AKAP12: variants seen among roughly 807,000 people sequenced by gnomAD.
AKAP12 encodes A-kinase anchoring protein 12, also known as A-kinase anchor protein 12.
AKAP12 carries 32 observed loss-of-function variants against 79.9 expected under a neutral mutation model. That is an observed-to-expected ratio of 0.40 (90% CI 0.30 to 0.54). AKAP12 has a LOEUF of 0.54. Ranked by LOEUF, AKAP12 falls within the 20% of genes least tolerant of loss-of-function variation. The pLI is 0.48. For synonymous variants in AKAP12, 808 were observed against 857.0 expected, an observed-to-expected ratio of 0.94 and a Z score of 1.00; for missense variants, 2,074 against 2,177.0, an observed-to-expected ratio of 0.95 and a Z score of 0.94.
At chr6:151,326,630 C>G (rs1009251674) in intron 3 of AKAP12, among the ~76,000 whole-genome samples, 1 of 152,054 alleles carries the variant, frequency 6.6e-6, no homozygotes. Flanking sequence ...TTAGAATGCT[C>G]TTACAGCTCC....
intron 2 of AKAP12, among the ~76,000 whole-genome samples, chr6:151,286,167 A>G (rs956546850): frequency 1.3e-5 from 2 of 152,156 alleles, no homozygotes; most frequent in Non-Finnish European, 2.9e-5. Context: ...CATGGAGGTG[A>G]TAATTTTTTT....
intron 2 of AKAP12, among the ~76,000 whole-genome samples, chr6:151,274,209 C>T (rs1776248977): frequency 6.6e-6 from 1 of 151,982 alleles, no homozygotes. Flanking sequence ...GTAGCTGGGA[C>T]TACAGGGGCA....
chr6:151,287,713 G>A (rs1394023579), intron 2 of AKAP12, among the ~76,000 whole-genome samples: 1 of 152,012 alleles, frequency 6.6e-6, no homozygotes, highest in Non-Finnish European at 1.5e-5. Flanking sequence ...CCTGTTACTG[G>A]GTATATACCC....
At chr6:151,287,326 C>T (rs1776526372) in intron 2 of AKAP12, among the ~76,000 whole-genome samples, 1 of 152,118 alleles carries the variant, frequency 6.6e-6, no homozygotes. Flanking sequence ...GTGGCACAAT[C>T]ATGGCTCACT....
intron 3 of AKAP12, chr6:151,324,062 C>G (rs35125148): frequency 0.093 from 91,259 of 985,324 alleles, 4,442 homozygotes; most frequent in Middle Eastern, 0.16. Context: ...TTGCCCTGCC[C>G]CCTTGGCTCT....
intron 2 of AKAP12, among the ~76,000 whole-genome samples, chr6:151,255,326 G>A (rs1465369016): frequency 1.3e-4 from 19 of 151,962 alleles, no homozygotes; most frequent in African/African-American, 3.6e-4. Context: ...CCACCACGCC[G>A]GCTGATTTTG....
At chr6:151,261,470 C>A (rs1048759097) in intron 2 of AKAP12, among the ~76,000 whole-genome samples, 3 of 151,966 alleles carry the variant, frequency 2.0e-5, no homozygotes, top group Admixed American at 1.3e-4. Context: ...GCGGGTGGAT[C>A]AACTGAGGTC....
intron 4 of AKAP12, 77 bp downstream of exon 4, chr6:151,353,829 G>T: frequency 9.8e-7 from 1 of 1,020,088 alleles, no homozygotes; most frequent in Non-Finnish European, 1.4e-6. Context: ...AAGGAATCGG[G>T]AGCAAATAAT....
chr6:151,353,181 A>G lies in AKAP12; in HGVS notation c.4790A>G (p.Glu1597Gly), dbSNP rs1778348120. The G allele has an allele frequency of 5.6e-6, 9 of 1,613,146 alleles. No individual in the cohort carries two copies. The highest frequency in any genetic ancestry group is 1.4e-5 in the African/African-American group (1 of 74,054). ...SQDAGQETEK[E>G]GEEPQASAQD... ...GACGCTGGACAGGAAACGGAGAAAG[A>G]AGGAGAGGAACCTCAGGCCTCTGCA... is the stretch of plus-strand genomic sequence containing the variant. Residue 1597 changes from glutamate to glycine, a missense_variant, in exon 4 of 5, where the codon GAA becomes GGA. Glu to Gly is a moderately conservative substitution (Grantham distance 98). Coordinates refer to ENST00000402676, the MANE Select transcript of AKAP12 (RefSeq NM_005100.4).
chr6:151,269,492 C>A (rs1309424439), intron 2 of AKAP12, among the ~76,000 whole-genome samples: 2 of 152,136 alleles, frequency 1.3e-5, no homozygotes, highest in Non-Finnish European at 2.9e-5. Flanking sequence ...GAATCAACAG[C>A]ACTTGAATCT....
chr6:151,286,914 G>A (rs763066568), intron 2 of AKAP12, among the ~76,000 whole-genome samples: 3 of 152,016 alleles, frequency 2.0e-5, no homozygotes, highest in African/African-American at 7.2e-5. Context: ...GGGTGGCAGC[G>A]ATGGGGTAAG....
Position 151,240,626 on chromosome 6 carries a change from C to T in AKAP12, c.64C>T (p.Pro22Ser). The T allele has an allele frequency of 7.3e-7, 1 of 1,376,060 alleles. No individual in the cohort carries two copies. Among genetic ancestry groups the T allele is most frequent in the Non-Finnish European group, 9.4e-7 (1 of 1,068,302 alleles). The allele number at this position is 1,376,060 out of a possible 1,614,324, so 85.2% of individuals were successfully genotyped here. A position where few individuals can be genotyped will look rare whatever the true frequency, so the allele number is the denominator to read the frequency against. Residue 22 changes from proline to serine, a missense_variant, in exon 2 of 5, where the codon CCG (proline) becomes TCG (serine). Coordinates refer to ENST00000402676, the MANE Select transcript of AKAP12 (RefSeq NM_005100.4). ...GCAGCCGCCCGAGGGGAGCTCCACG[C>T]CGGCTGAGCCCGAGCCCAGCGGCGG... ...PEQPPEGSSTPAEPEPSGGGP... is the reference protein window; with the variant it reads ...PEQPPEGSSTSAEPEPSGGGP...
At chr6:151,305,596 A>G in intron 2 of AKAP12, 151 bp from the exon 3 acceptor site, 1 of 749,258 alleles carries the variant, frequency 1.3e-6, no homozygotes, top group East Asian at 2.9e-5. Flanking sequence ...GATCTTTCAG[A>G]CAAATATAAG....
chr6:151,248,256 G>C (rs1204251839), intron 2 of AKAP12, among the ~76,000 whole-genome samples: 1 of 144,600 alleles, frequency 6.9e-6, no homozygotes, highest in African/African-American at 2.5e-5. Context: ...CTCAGGGTCT[G>C]GGATTCTGTG....
rs764042507 is a variant in AKAP12 at position 151,349,025 on chromosome 6, G to T, written c.634G>T (p.Ala212Ser). ...KKDEGEGAAGAGDHKDPSLGA... is the reference protein window; with the variant it reads ...KKDEGEGAAGSGDHKDPSLGA... Reference sequence around the variant, plus strand: ...AGATGAAGGGGAGGGAGCAGCAGGGGCTGGCGACCACAAGGACCCCAGCCT... The same window carrying T: ...AGATGAAGGGGAGGGAGCAGCAGGGTCTGGCGACCACAAGGACCCCAGCCT... Residue 212 changes from alanine to serine, a missense_variant, in exon 4 of 5, where the codon GCT becomes TCT. By Grantham distance (99) the Ala-to-Ser change is moderately conservative. Coordinates refer to ENST00000402676, the MANE Select transcript of AKAP12 (RefSeq NM_005100.4). 3.7e-6 allele frequency: 6 copies of T among 1,613,160 alleles called. No individual in the cohort carries two copies. In the East Asian group the frequency reaches 1.3e-4, roughly 36 times the overall value.
chr6:151,290,033 C>T (rs1385435655), intron 2 of AKAP12, among the ~76,000 whole-genome samples: 1 of 152,132 alleles, frequency 6.6e-6, no homozygotes, highest in African/African-American at 2.4e-5. Context: ...TCCGATGGGA[C>T]GAGGCATCTG....
At chr6:151,317,941 TAGTC>T (rs1156861625) in intron 3 of AKAP12, among the ~76,000 whole-genome samples, 11 of 152,152 alleles carry the variant, frequency 7.2e-5, no homozygotes, top group Non-Finnish European at 7.3e-5. Flanking sequence ...TCCAACCAAA[TAGTC>T]AGGGAGCAGA....
chr6:151,280,670 G>A (rs1369755413), intron 2 of AKAP12: 7 of 138,402 alleles, frequency 5.1e-5, no homozygotes, highest in Non-Finnish European at 1.1e-4. Flanking sequence ...TTTTGAGAAA[G>A]GACCTTCCTC....
intron 2 of AKAP12, among the ~76,000 whole-genome samples, chr6:151,246,892 G>A (rs1797085241): frequency 6.6e-6 from 1 of 152,104 alleles, no homozygotes; most frequent in Admixed American, 6.5e-5. Flanking sequence ...CTCCTGAGTA[G>A]CTGGGACTAC....
Sources: allele counts gnomAD v4.1 joint callset (sites outside exome capture counted in the v4.1 genomes callset), GRCh38; gene constraint gnomAD v4.1.1; transcripts MANE v1.5; gene names NCBI Gene and HGNC (gene_info 2026-07-23, HGNC 2026-07-21).